The following PIK3R6 variants were observed in gnomAD, a reference collection of about 807,000 sequenced individuals.
The protein encoded by PIK3R6 is phosphoinositide-3-kinase regulatory subunit 6, also known as phosphoinositide 3-kinase regulatory subunit 6.
A neutral mutation model predicts 84.9 loss-of-function variants in PIK3R6; 91 were observed. The ratio of observed to expected loss-of-function variants is 1.07; its 90% CI spans 0.90 to 1.28. The LOEUF is 1.28. Ranked by LOEUF, PIK3R6 falls within the 50% of genes most tolerant of loss-of-function variation. The pLI is 0.00. For synonymous variants in PIK3R6, 416 were observed against 411.4 expected, an observed-to-expected ratio of 1.01 and a Z score of -0.13; for missense variants, 996 against 985.1, an observed-to-expected ratio of 1.01 and a Z score of -0.15.
rs964819884 is a variant in PIK3R6, at chr17:8,837,692, G to C, written c.258+111C>G. 5.3e-6 allele frequency: 5 copies of C among 946,466 alleles called. No individual in the cohort carries two copies. In the Admixed American group the frequency reaches 6.3e-5, roughly 12 times the overall value. The allele number at this position is 946,466 out of a possible 1,614,324, so 58.6% of individuals were successfully genotyped here. A position where few individuals can be genotyped will look rare whatever the true frequency, so the allele number is the denominator to read the frequency against. On this transcript the variant is annotated intron_variant, in intron 5 of 19. Transcript: ENST00000619866. The stretch of plus-strand genomic sequence containing the variant: ...AGCCAGTTTAGGGCAGGCAATCCAA[G>C]GGATTTTCTAGGCTCATCCTGGCGG...
In PIK3R6 at chr17:8,842,009, T is replaced by C. The variant is rs1401381511; in HGVS notation, c.14-2312A>G. ...TATTTGTTCCCCTGAGAACTGGTTG[T>C]TAAAAAGAGCCCGGCACCTTCCCCC... is the stretch of plus-strand genomic sequence containing the variant. On this transcript the variant is annotated intron_variant, in intron 2 of 19. Transcript: ENST00000619866. This position sits in a 1 kb window ranked among gnomAD's most constrained non-coding sequence, Gnocchi z 4.5. 6.6e-6 allele frequency among the ~76,000 whole-genome samples: 1 copy of C among 152,066 alleles called. No individual in the cohort carries two copies. The highest frequency in any genetic ancestry group is 1.5e-5 in the Non-Finnish European group (1 of 68,028).
Position 8,835,320 on chromosome 17 carries a change from C to T in PIK3R6, c.598G>A (p.Ala200Thr). Reference protein sequence around the residue: ...RHVVSHALQAALGEACHAGAL... With the variant: ...RHVVSHALQATLGEACHAGAL... ...CCTGCGTGACAGGCCTCCCCCAGAGCCGCCTGCAGGGCGTGGGAGACCACG... is the reference window on the plus strand; with the variant it reads ...CCTGCGTGACAGGCCTCCCCCAGAGTCGCCTGCAGGGCGTGGGAGACCACG... Residue 200 changes from alanine to threonine, a missense_variant, in exon 8 of 20, where the codon GCT becomes ACT. By Grantham distance (58) the Ala-to-Thr change is moderately conservative (BLOSUM62 0). Coordinates refer to ENST00000619866, the MANE Select transcript of PIK3R6 (RefSeq NM_001010855.4). The T allele has an allele frequency of 1.2e-6, 2 of 1,601,658 alleles. No homozygotes were observed. Among genetic ancestry groups the T allele is most frequent in the Non-Finnish European group, 8.5e-7 (1 of 1,172,242 alleles).
intron 8 of PIK3R6, among the ~76,000 whole-genome samples, chr17:8,833,901 G>A (rs1304839140): frequency 1.3e-5 from 2 of 151,768 alleles, no homozygotes; most frequent in East Asian, 3.9e-4. Flanking sequence ...CAGCGCGGTG[G>A]CTCACGCTTG....
intron 1 of PIK3R6, among the ~76,000 whole-genome samples, chr17:8,867,195 G>T (rs2089432105): frequency 6.6e-6 from 1 of 152,148 alleles, no homozygotes; most frequent in Non-Finnish European, 1.5e-5. Context: ...GGGAAAATGG[G>T]TGTACTCTGC....
chr17:8,807,212 G>A (rs2087231308), intron 18 of PIK3R6, among the ~76,000 whole-genome samples: 1 of 152,188 alleles, frequency 6.6e-6, no homozygotes, highest in African/African-American at 2.4e-5. Flanking sequence ...CTCTCCTACA[G>A]TGGATAGGCT....
intron 8 of PIK3R6, among the ~76,000 whole-genome samples, chr17:8,834,439 G>A (rs2088380209): frequency 6.6e-6 from 1 of 152,146 alleles, no homozygotes; most frequent in Admixed American, 6.5e-5. Context: ...CTGTTACCCA[G>A]GCTAGAGTGC....
chr17:8,825,529 T>A (rs4791760), intron 13 of PIK3R6, among the ~76,000 whole-genome samples: 53,921 of 151,948 alleles, frequency 0.35, 9,777 homozygotes, highest in African/African-American at 0.41. Flanking sequence ...AAGCACATGT[T>A]AGTATCATGT....
intron 18 of PIK3R6, among the ~76,000 whole-genome samples, chr17:8,812,970 T>G (rs2087402243): frequency 6.6e-6 from 1 of 151,812 alleles, no homozygotes; most frequent in Admixed American, 6.6e-5. Context: ...TTCTTTGAAA[T>G]GATAAACAAA....
chr17:8,803,456 G>C lies in PIK3R6; in HGVS notation c.2109-27C>G, dbSNP rs754103022. ...TGTGGGTGGAGAGAGACCAGCTCAG[G>C]TGACCCATCTGAGGGATCAGATTGC... On this transcript the variant is annotated intron_variant, in intron 19 of 19. Transcript: ENST00000619866. The surrounding 1 kb of genome is among the most constrained non-coding windows in gnomAD (Gnocchi z 5.0). The C allele has an allele frequency of 2.5e-6, 4 of 1,576,336 alleles. No individual in the cohort carries two copies. The African/African-American group carries it at 5.4e-5, about 21-fold the overall frequency.
At position 8,805,360 on chromosome 17, in the gene PIK3R6, G is replaced by A. The variant is rs117629553; in HGVS notation, c.1996-1207C>T. The stretch of plus-strand genomic sequence containing the variant: ...ATTAATTATAATTTTCCAAGAAGGA[G>A]CCAAGCATGACTCATGGACTCAGCA... On this transcript the variant is annotated intron_variant, in intron 18 of 19. Transcript: ENST00000619866. Among the ~76,000 whole-genome samples, 15 of 152,248 alleles carry A rather than the reference G, an allele frequency of 9.9e-5. No individual in the cohort carries two copies. In the East Asian group the frequency reaches 2.9e-3, roughly 29 times the overall value.
In PIK3R6 at chr17:8,849,855, A is replaced by C; in HGVS notation, c.-61T>G. 1 of 1,594,116 alleles carries C rather than the reference A, an allele frequency of 6.3e-7. No individual in the cohort carries two copies. The highest frequency in any genetic ancestry group is 1.1e-5 in the South Asian group (1 of 88,000). Reference sequence around the variant, plus strand: ...TGTCTCGGGCAGCAGAATAGAGAACAAGGTGGTTGCTTTTCTGCACAGAGG... The same window carrying C: ...TGTCTCGGGCAGCAGAATAGAGAACCAGGTGGTTGCTTTTCTGCACAGAGG... On this transcript the variant is annotated 5_prime_UTR_variant, in exon 2 of 20. Transcript: ENST00000619866.
chr17:8,828,724 T>C lies in PIK3R6; in HGVS notation c.1156A>G (p.Ser386Gly), dbSNP rs2088041451. The C allele has an allele frequency of 1.2e-6, 2 of 1,609,546 alleles. No individual in the cohort carries two copies. The highest frequency in any genetic ancestry group is 1.7e-6 in the Non-Finnish European group (2 of 1,177,954). The change falls in exon 11 of 20, where the codon AGC becomes GGC. Residue 386 changes from serine (S) to glycine (G), a missense_variant. By Grantham distance (56) the Ser-to-Gly change is moderately conservative. Transcript: ENST00000619866. ...AWPLDFLMPG[S>G]WDGPPGLHRR... The stretch of plus-strand genomic sequence containing the variant: ...TGCAGCCCTGGGGGCCCGTCCCAGC[T>C]GCCAGGCATCAAGAAGTCCAGGGGC...
intron 9 of PIK3R6, among the ~76,000 whole-genome samples, chr17:8,831,327 C>CAAAAA: frequency 6.9e-5 from 2 of 28,834 alleles, no homozygotes; most frequent in Non-Finnish European, 5.3e-5. Context: ...AAGACCCTGT[C>CAAAAA]TAAAAAAAAA....
chr17:8,833,070 T>C (rs2088316741), intron 8 of PIK3R6, 25 bp from the exon 9 acceptor site: 5 of 1,545,204 alleles, frequency 3.2e-6, no homozygotes, highest in Non-Finnish European at 3.5e-6. Context: ...CGTCAGAGCC[T>C]GGGTCTTGGC....
chr17:8,824,449 C>T (rs537080968), intron 13 of PIK3R6, among the ~76,000 whole-genome samples: 12 of 152,320 alleles, frequency 7.9e-5, no homozygotes, highest in African/African-American at 2.6e-4. Context: ...TCATCCAACT[C>T]ATATCCGATC....
At chr17:8,805,752 C>T (rs1260189100) in intron 18 of PIK3R6, among the ~76,000 whole-genome samples, 2 of 152,022 alleles carry the variant, frequency 1.3e-5, no homozygotes, top group Non-Finnish European at 2.9e-5. Context: ...CCCATCTCTA[C>T]CAAAAATACA....
intron 1 of PIK3R6, among the ~76,000 whole-genome samples, chr17:8,855,787 T>C (rs186047165): frequency 4.6e-5 from 7 of 152,236 alleles, no homozygotes; most frequent in Middle Eastern, 3.2e-3. Flanking sequence ...CAATTTCTCA[T>C]AAAGTTATGC....
intron 1 of PIK3R6, among the ~76,000 whole-genome samples, chr17:8,853,972 A>G (rs1019712339): frequency 6.6e-6 from 1 of 152,082 alleles, no homozygotes; most frequent in African/African-American, 2.4e-5. Flanking sequence ...AAAAAAAAAA[A>G]AAAAAGTCAA....
At position 8,837,814 on chromosome 17, in the gene PIK3R6, C is replaced by A. The variant is rs759549290; in HGVS notation, c.247G>T (p.Val83Leu). ...AGTCCCCAGCTCACCTTGGTGAGCACGTACATTACAGTGTGCAGCAAGGGA... is the reference window on the plus strand; with the variant it reads ...AGTCCCCAGCTCACCTTGGTGAGCAAGTACATTACAGTGTGCAGCAAGGGA... The part of the protein sequence containing the change: ...IIPLLHTVMY[V>L]LTKATGITEE... Residue 83 changes from valine (V) to leucine (L), a missense_variant, in exon 5 of 20, where the codon GTG (valine) becomes TTG (leucine). Coordinates refer to ENST00000619866, the MANE Select transcript of PIK3R6 (RefSeq NM_001010855.4). 1.2e-6 allele frequency: 2 copies of A among 1,613,610 alleles called. No individual in the cohort carries two copies. Among genetic ancestry groups the A allele is most frequent in the Admixed American group, 1.7e-5 (1 of 59,994 alleles).
Sources: gnomAD v4.1 joint callset for allele counts (sites outside exome capture counted in the v4.1 genomes callset) on GRCh38, gnomAD v4.1.1 for gene constraint, Gnocchi (gnomAD v3.1) non-coding constraint, MANE v1.5 for transcripts, NCBI Gene and HGNC (gene_info 2026-07-23, HGNC 2026-07-21) for gene names.